The following FSTL5 variants were observed in gnomAD, a reference collection of about 807,000 sequenced individuals.
The protein encoded by FSTL5 is follistatin-related protein 5.
In FSTL5, 62 loss-of-function variants were observed where a neutral mutation model predicts 89.1. The observed-to-expected ratio is 0.70, with a 90% CI of 0.57 to 0.86. The LOEUF is 0.86. FSTL5 is among the 40% of genes least tolerant of loss of function. The pLI is 0.00. For missense variants in FSTL5, 1,057 were observed against 1,001.6 expected (o/e 1.06, Z -0.75); for synonymous variants, 383 against 346.2 (o/e 1.11, Z -1.18).
At chr4:162,112,775 TCACACACACACACACA>T (rs71598742) in intron 1 of FSTL5, among the ~76,000 whole-genome samples, 1 of 139,328 alleles carries the variant, frequency 7.2e-6, no homozygotes, top group Admixed American at 7.2e-5. Context: ...ACCGACACAA[TCACACACACACACACA>T]CACACACACA....
At chr4:161,471,266 G>T (rs554637609) in intron 13 of FSTL5, among the ~76,000 whole-genome samples, 1 of 152,294 alleles carries the variant, frequency 6.6e-6, no homozygotes, top group African/African-American at 2.4e-5. Flanking sequence ...TATTATGAAA[G>T]AGTGTTAAAT....
At chr4:161,456,562 T>C (rs1314556270) in intron 14 of FSTL5, among the ~76,000 whole-genome samples, 1 of 152,238 alleles carries the variant, frequency 6.6e-6, no homozygotes, top group Non-Finnish European at 1.5e-5. Context: ...TTTAACATGA[T>C]GGCATGGGAA....
At chr4:161,527,956 T>C (rs1353837112) in intron 10 of FSTL5, among the ~76,000 whole-genome samples, 3 of 150,198 alleles carry the variant, frequency 2.0e-5, no homozygotes, top group African/African-American at 7.4e-5. Context: ...CATGGAATAC[T>C]ATGCAGCCAT....
chr4:161,929,660 CGTGTGTGT>C lies in FSTL5; in HGVS notation c.161-9016_161-9009del, dbSNP rs765281533. 3.3e-4 allele frequency among the ~76,000 whole-genome samples: 42 copies of C among 126,936 alleles called. No homozygotes were observed. The East Asian group carries it at 4.1e-3, about 12-fold the overall frequency. The allele number at this position is 126,936 out of a possible 152,430, so 83.3% of individuals were successfully genotyped here. ...CCACTCTAGCAGATGTAGGTAGGCA[CGTGTGTGT>C]GTGTGTGTGTGTGTGTGTGTGTGTG... On this transcript the variant is annotated intron_variant, in intron 3 of 15. Coordinates refer to ENST00000306100, the MANE Select transcript of FSTL5 (RefSeq NM_020116.5).
chr4:161,820,843 T>C (rs929400995), intron 4 of FSTL5, among the ~76,000 whole-genome samples: 4 of 151,912 alleles, frequency 2.6e-5, no homozygotes, highest in African/African-American at 9.7e-5. Context: ...TCAATGATAA[T>C]CTGAGCCATA....
intron 4 of FSTL5, among the ~76,000 whole-genome samples, chr4:161,899,044 A>G (rs1733265979): frequency 6.6e-6 from 1 of 152,098 alleles, no homozygotes; most frequent in South Asian, 2.1e-4. Flanking sequence ...CTCATACCAT[A>G]TCCTCTTGAA....
chr4:161,519,411 CG>C (rs1432103057), intron 10 of FSTL5, among the ~76,000 whole-genome samples: 1 of 151,818 alleles, frequency 6.6e-6, no homozygotes, highest in Non-Finnish European at 1.5e-5. Context: ...CTGTAGTCCC[CG>C]CTACTCGGGG....
At chr4:161,491,104 C>T (rs1265412711) in intron 12 of FSTL5, among the ~76,000 whole-genome samples, 2 of 151,688 alleles carry the variant, frequency 1.3e-5, no homozygotes, top group Non-Finnish European at 2.9e-5. Context: ...CATCTGGGCT[C>T]TTTTTTACTA....
intron 2 of FSTL5, 105 bp downstream of exon 2, chr4:162,111,166 G>T: frequency 2.3e-6 from 2 of 868,720 alleles, no homozygotes; most frequent in Non-Finnish European, 3.3e-6. Context: ...ACTACTGAAA[G>T]CATATTCTGA....
chr4:161,824,609 C>T (rs1349052384), intron 4 of FSTL5, among the ~76,000 whole-genome samples: 1 of 152,126 alleles, frequency 6.6e-6, no homozygotes, highest in East Asian at 1.9e-4. Flanking sequence ...TCTATGATTT[C>T]TTTCAGCAGT....
chr4:161,515,433 C>A (rs1313127474), intron 10 of FSTL5, among the ~76,000 whole-genome samples: 1 of 152,078 alleles, frequency 6.6e-6, no homozygotes, highest in Non-Finnish European at 1.5e-5. Context: ...TCTCGAACTC[C>A]TGACCTCAGG....
chr4:162,013,401 T>C (rs1262730674), intron 3 of FSTL5, among the ~76,000 whole-genome samples: 1 of 152,156 alleles, frequency 6.6e-6, no homozygotes, highest in East Asian at 1.9e-4. Context: ...ACACTCCTGG[T>C]TTCTTTCTGT....
chr4:162,073,103 T>C (rs1270668286), intron 2 of FSTL5, among the ~76,000 whole-genome samples: 2 of 151,806 alleles, frequency 1.3e-5, no homozygotes, highest in Non-Finnish European at 2.9e-5. Flanking sequence ...TGGCCTCTAA[T>C]CTGCATGAGC....
chr4:161,388,961 T>C (rs77992019), intron 15 of FSTL5, among the ~76,000 whole-genome samples: 6,100 of 152,222 alleles, frequency 0.04, 324 homozygotes, highest in East Asian at 0.18. Flanking sequence ...CAGAAGATCT[T>C]TGTGGGGTGA....
chr4:161,700,314 A>C (rs1219555785), intron 6 of FSTL5, among the ~76,000 whole-genome samples: 1 of 152,136 alleles, frequency 6.6e-6, no homozygotes, highest in Non-Finnish European at 1.5e-5. Context: ...AGGTAGTCCA[A>C]TTCCTGAGTT....
chr4:161,867,913 C>A (rs1015054136), intron 4 of FSTL5, among the ~76,000 whole-genome samples: 7 of 151,694 alleles, frequency 4.6e-5, no homozygotes, highest in African/African-American at 1.7e-4. Context: ...TCAATTAGGT[C>A]AATTTAATAG....
chr4:161,951,534 T>G (rs1280531100), intron 3 of FSTL5, among the ~76,000 whole-genome samples: 1 of 152,152 alleles, frequency 6.6e-6, no homozygotes, highest in Non-Finnish European at 1.5e-5. Context: ...GAGTAAAAAG[T>G]ACTATTATTT....
chr4:161,519,716 C>T (rs1191041301), intron 10 of FSTL5, among the ~76,000 whole-genome samples: 1 of 152,074 alleles, frequency 6.6e-6, no homozygotes, highest in African/African-American at 2.4e-5. Context: ...TGATTTTTTA[C>T]ATAATAAATG....
At chr4:161,836,516 A>T (rs1731048421) in intron 4 of FSTL5, among the ~76,000 whole-genome samples, 1 of 152,016 alleles carries the variant, frequency 6.6e-6, no homozygotes, top group Admixed American at 6.6e-5. Flanking sequence ...CTGCACAAGC[A>T]CACAGTGCAG....
Sources: gnomAD v4.1 joint callset for allele counts (sites outside exome capture counted in the v4.1 genomes callset) on GRCh38, gnomAD v4.1.1 for gene constraint, MANE v1.5 for transcripts, NCBI Gene and HGNC (gene_info 2026-07-23, HGNC 2026-07-21) for gene names.